ASTN2: variants seen among roughly 807,000 people sequenced by gnomAD.
The protein encoded by ASTN2 is astrotactin 2.
Under a neutral mutation model 139.8 loss-of-function variants are expected in ASTN2, and 54 were observed. The ratio of observed to expected loss-of-function variants is 0.39; its 90% CI spans 0.31 to 0.48. The LOEUF (loss-of-function observed/expected upper bound fraction) is 0.48, where lower values mean the gene tolerates loss of function less well. Among genes scored for constraint, ASTN2 ranks in the 20% least tolerant of loss-of-function variants. ASTN2 has a pLI of 0.95. For synonymous variants in ASTN2, 756 were observed against 719.5 expected (o/e 1.05, Z -0.81); for missense variants, 1,565 against 1,725.1 (o/e 0.91, Z 1.64).
chr9:116,448,011 G>A (rs75329233), intron 20 of ASTN2, among the ~76,000 whole-genome samples: 3,110 of 152,238 alleles, frequency 0.02, 42 homozygotes, highest in Middle Eastern at 0.034. Context: ...GATCTGACAG[G>A]GGGTAAGAGC....
chr9:116,803,868 G>T (rs1160713364), intron 13 of ASTN2, among the ~76,000 whole-genome samples: 1 of 151,104 alleles, frequency 6.6e-6, no homozygotes, highest in Non-Finnish European at 1.5e-5. Context: ...GTCTTGCAAA[G>T]TTACCTAGGC....
At chr9:116,591,577 T>A (rs1854379343) in intron 19 of ASTN2, among the ~76,000 whole-genome samples, 1 of 152,188 alleles carries the variant, frequency 6.6e-6, no homozygotes, top group African/African-American at 2.4e-5. Context: ...TAACTATGAC[T>A]CTACCCAACA....
chr9:117,302,714 A>G (rs938394079), intron 1 of ASTN2, among the ~76,000 whole-genome samples: 4 of 152,186 alleles, frequency 2.6e-5, no homozygotes, highest in African/African-American at 2.4e-5. Context: ...ATGCAGTGTG[A>G]TGTGTGAGGA....
chr9:116,885,827 T>C (rs1380661294), intron 10 of ASTN2, among the ~76,000 whole-genome samples: 1 of 152,232 alleles, frequency 6.6e-6, no homozygotes, highest in African/African-American at 2.4e-5. Flanking sequence ...GTATGTTCAA[T>C]AAGGCTGTTT....
At chr9:116,485,438 T>C (rs1003723984) in intron 20 of ASTN2, among the ~76,000 whole-genome samples, 2 of 152,252 alleles carry the variant, frequency 1.3e-5, no homozygotes, top group Non-Finnish European at 2.9e-5. Context: ...CACAGAATTA[T>C]AGTTTTCAGA....
At chr9:117,027,042 T>C (rs184206639) in intron 6 of ASTN2, among the ~76,000 whole-genome samples, 2 of 152,252 alleles carry the variant, frequency 1.3e-5, no homozygotes, top group Non-Finnish European at 1.5e-5. Flanking sequence ...TAATTGCAAA[T>C]GTACTGAATG....
intron 1 of ASTN2, among the ~76,000 whole-genome samples, chr9:117,356,481 T>G (rs1471964391): frequency 6.6e-6 from 1 of 152,194 alleles, no homozygotes; most frequent in Non-Finnish European, 1.5e-5. Flanking sequence ...TTCTTTAGAT[T>G]TCACTTTGAG....
intron 19 of ASTN2, among the ~76,000 whole-genome samples, chr9:116,495,458 TAC>T (rs1488246498): frequency 6.6e-6 from 1 of 152,176 alleles, no homozygotes; most frequent in African/African-American, 2.4e-5. Context: ...TAACTCCAGG[TAC>T]AGACACCAAC....
At chr9:117,076,075 T>C (rs1356426899) in intron 5 of ASTN2, among the ~76,000 whole-genome samples, 1 of 152,194 alleles carries the variant, frequency 6.6e-6, no homozygotes, top group Non-Finnish European at 1.5e-5. Flanking sequence ...CCTTGCAGGC[T>C]TCACAGTCTG....
rs185070773 is a variant in ASTN2 at position 117,260,736 on chromosome 9, C to T, written c.630+30590G>A. ...AACTAACTGTGTGACCTGGAGCCAT[C>T]TATTTCTCTCTGAACTTTAGCTTTC... On this transcript the variant is annotated intron_variant, in intron 2 of 22. Transcript: ENST00000313400. Among the ~76,000 whole-genome samples, 574 of 152,260 alleles carry T rather than the reference C, an allele frequency of 3.8e-3. 7 individuals carry two copies. Among genetic ancestry groups the T allele is most frequent in the Non-Finnish European group, 3.4e-3 (234 of 68,026 alleles).
At chr9:117,296,106 CG>C (rs1172250699) in intron 1 of ASTN2, among the ~76,000 whole-genome samples, 1 of 151,428 alleles carries the variant, frequency 6.6e-6, no homozygotes, top group Non-Finnish European at 1.5e-5. Context: ...GGTGAAATCC[CG>C]CCTCTACTAA....
chr9:116,976,886 GT>G, intron 7 of ASTN2, 101 bp from the exon 8 acceptor site: 2 of 1,041,366 alleles, frequency 1.9e-6, no homozygotes, highest in Non-Finnish European at 1.4e-6. Flanking sequence ...GAGCTGCTTA[GT>G]TTTAGAAAAG....
chr9:116,718,976 A>AGTGTG (rs1564230202), intron 16 of ASTN2, among the ~76,000 whole-genome samples: 1 of 96,326 alleles, frequency 1.0e-5, no homozygotes, highest in African/African-American at 5.0e-5. Flanking sequence ...GTATCTGTAC[A>AGTGTG]TATATATATA....
intron 4 of ASTN2, among the ~76,000 whole-genome samples, chr9:117,109,673 T>C (rs1175493055): frequency 6.6e-6 from 1 of 152,224 alleles, no homozygotes; most frequent in Admixed American, 6.5e-5. Context: ...TTTACTTTCA[T>C]CTGGTAATAA....
chr9:116,816,920 T>TAAATAAATAAATAAATAAATAAAG (rs953197430), intron 12 of ASTN2, among the ~76,000 whole-genome samples: 1 of 151,680 alleles, frequency 6.6e-6, no homozygotes, highest in African/African-American at 2.4e-5. Context: ...AATAAATAAA[T>TAAATAAATAAATAAATAAATAAAG]AGACGAGGGA....
chr9:116,491,461 C>T (rs1849515770), intron 19 of ASTN2, among the ~76,000 whole-genome samples: 1 of 152,128 alleles, frequency 6.6e-6, no homozygotes, highest in African/African-American at 2.4e-5. Flanking sequence ...TTTCTCAATG[C>T]TATTCAATTT....
rs141835596 is a variant in ASTN2, at chr9:117,159,971, C to A, written c.1016-18493G>T. 3.9e-3 allele frequency among the ~76,000 whole-genome samples: 598 copies of A among 152,100 alleles called. 3 individuals are homozygous for A. Among genetic ancestry groups the A allele is most frequent in the African/African-American group, 0.013 (557 of 41,534 alleles). Reference sequence around the variant, plus strand: ...AGGTTTACTTCATGTCTCACATCTTCTTTAAGCCAATGGACTATGTGGGAC... The same window carrying A: ...AGGTTTACTTCATGTCTCACATCTTATTTAAGCCAATGGACTATGTGGGAC... On this transcript the variant is annotated intron_variant, in intron 3 of 22. Coordinates refer to ENST00000313400, the MANE Select transcript of ASTN2 (RefSeq NM_001365068.1).
In ASTN2 at chr9:117,127,683, T is replaced by G. The variant is rs868205463; in HGVS notation, c.1168+13643A>C. On this transcript the variant is annotated intron_variant, in intron 4 of 22. Coordinates refer to ENST00000313400, the MANE Select transcript of ASTN2 (RefSeq NM_001365068.1). ...TTTTTTTTGTTTTGGTTTTTTTTTT[T>G]TTTTTTTTTTTTTTTGAGACAGAGT... 1.3e-4 allele frequency among the ~76,000 whole-genome samples: 17 copies of G among 132,396 alleles called. No individual in the cohort carries two copies. In the Middle Eastern group the frequency reaches 0.011, roughly 85 times the overall value. The allele number at this position is 132,396 out of a possible 152,430, so 86.9% of individuals were successfully genotyped here.
chr9:116,580,518 C>T (rs1325861097), intron 19 of ASTN2, among the ~76,000 whole-genome samples: 1 of 152,180 alleles, frequency 6.6e-6, no homozygotes, highest in Admixed American at 6.5e-5. Context: ...CCTGTGACAC[C>T]AGGCTGTGTT....
Sources: allele counts gnomAD v4.1 joint callset (sites outside exome capture counted in the v4.1 genomes callset), GRCh38; gene constraint gnomAD v4.1.1; transcripts MANE v1.5; gene names NCBI Gene and HGNC (gene_info 2026-07-23, HGNC 2026-07-21).